The following MYO1E variants were observed in gnomAD, a reference collection of about 807,000 sequenced individuals.
MYO1E encodes unconventional myosin-Ie.
A neutral mutation model predicts 151.1 loss-of-function variants in MYO1E; 68 were observed. The observed-to-expected ratio is 0.45, with a 90% CI of 0.37 to 0.55. MYO1E has a LOEUF of 0.55. Among genes scored for constraint, MYO1E ranks in the 20% least tolerant of loss-of-function variants. MYO1E has a pLI of 0.00. For synonymous variants in MYO1E, 601 were observed against 501.7 expected, an observed-to-expected ratio of 1.20 and a Z score of -2.64; for missense variants, 1,363 against 1,389.3, an observed-to-expected ratio of 0.98 and a Z score of 0.30.
intron 18 of MYO1E, among the ~76,000 whole-genome samples, chr15:59,179,750 T>G (rs1181942109): frequency 6.6e-6 from 1 of 152,206 alleles, no homozygotes; most frequent in Non-Finnish European, 1.5e-5. Flanking sequence ...CTTTTAAAGA[T>G]TATCCAGTCT....
At chr15:59,171,055 A>C (rs1265755190) in intron 22 of MYO1E, 1 of 155,604 alleles carries the variant, frequency 6.4e-6, no homozygotes, top group Admixed American at 6.5e-5. Context: ...GGAGGAAGCT[A>C]TGGGGCTCAA....
chr15:59,151,271 A>G (rs187363464), intron 26 of MYO1E, among the ~76,000 whole-genome samples: 1 of 151,732 alleles, frequency 6.6e-6, no homozygotes. Context: ...ACAAAAAAAA[A>G]CCAAAAAAAT....
chr15:59,208,344 G>T, intron 14 of MYO1E: 1 of 553,150 alleles, frequency 1.8e-6, no homozygotes, highest in Non-Finnish European at 3.2e-6. Context: ...TTGGCATTTG[G>T]TTCCCAAAAA....
In MYO1E at chr15:59,134,495, G is replaced by C. The variant is rs1188880301; in HGVS notation, c.*2885C>G. The C allele has an allele frequency of 1.3e-5, 2 of 152,206 alleles. No homozygotes were observed. Among genetic ancestry groups the C allele is most frequent in the African/African-American group, 2.4e-5 (1 of 41,430 alleles). 9.4% of individuals were successfully genotyped at this position (152,206 alleles called of 1,614,324 possible). On this transcript the variant is annotated 3_prime_UTR_variant, in exon 28 of 28. Coordinates refer to ENST00000288235, the MANE Select transcript of MYO1E (RefSeq NM_004998.4). ...GTTTGATCCCAGGAGTTTCAGATCA[G>C]CCTCTCTCTGTCTCACAGACGGCCA... is the stretch of plus-strand genomic sequence containing the variant.
At chr15:59,188,753 G>T (rs1342966697) in intron 17 of MYO1E, among the ~76,000 whole-genome samples, 4 of 151,346 alleles carry the variant, frequency 2.6e-5, no homozygotes, top group Non-Finnish European at 5.9e-5. Flanking sequence ...TAAATAACAG[G>T]GCATTACATA....
chr15:59,346,606 A>T (rs900830), intron 1 of MYO1E, among the ~76,000 whole-genome samples: 152,127 of 152,310 alleles, frequency 1, 75,972 homozygotes, highest in Middle Eastern at 1. Flanking sequence ...TAACAAGGGT[A>T]ATAAAATGCC....
At chr15:59,196,473 C>T (rs1217618763) in intron 16 of MYO1E, among the ~76,000 whole-genome samples, 1 of 152,114 alleles carries the variant, frequency 6.6e-6, no homozygotes, top group Non-Finnish European at 1.5e-5. Flanking sequence ...CCAAGCAAAG[C>T]AGCCTAAAGA....
At chr15:59,263,213 G>A (rs1369949356) in intron 2 of MYO1E, among the ~76,000 whole-genome samples, 3 of 152,098 alleles carry the variant, frequency 2.0e-5, no homozygotes, top group East Asian at 3.9e-4. Flanking sequence ...TACATATTAA[G>A]ACCTGTGTAC....
intron 14 of MYO1E, chr15:59,208,259 C>T (rs867397850): frequency 1.9e-5 from 12 of 622,810 alleles, no homozygotes; most frequent in African/African-American, 9.3e-5. Context: ...ACGTGCTGGA[C>T]GATACTTATT....
At chr15:59,235,342 T>G (rs780907970) in intron 5 of MYO1E, among the ~76,000 whole-genome samples, 6 of 152,204 alleles carry the variant, frequency 3.9e-5, no homozygotes, top group Non-Finnish European at 8.8e-5. Flanking sequence ...CAGTTTCTTG[T>G]GTATACTTCG....
At chr15:59,172,408 G>C (rs972426009) in intron 21 of MYO1E, among the ~76,000 whole-genome samples, 3 of 152,180 alleles carry the variant, frequency 2.0e-5, no homozygotes, top group African/African-American at 7.2e-5. Context: ...TCACACAGTG[G>C]ACTGCTGTTA....
At chr15:59,338,281 TGAC>T (rs2080742095) in intron 1 of MYO1E, among the ~76,000 whole-genome samples, 2 of 146,868 alleles carry the variant, frequency 1.4e-5, no homozygotes, top group African/African-American at 2.5e-5. Flanking sequence ...AGATCAGTAT[TGAC>T]TTTTTTTTTT....
At chr15:59,221,982 C>T (rs2079959056) in intron 9 of MYO1E, among the ~76,000 whole-genome samples, 1 of 152,182 alleles carries the variant, frequency 6.6e-6, no homozygotes, top group South Asian at 2.1e-4. Context: ...ATAATGTACA[C>T]AAAGTTTAGA....
chr15:59,173,989 A>G (rs2079610240), intron 20 of MYO1E, 74 bp from the exon 21 acceptor site: 3 of 1,551,710 alleles, frequency 1.9e-6, no homozygotes, highest in Non-Finnish European at 2.7e-6. Context: ...CTGTGGAAAT[A>G]TACAAAGAAA....
chr15:59,211,208 A>T (rs989795733), intron 12 of MYO1E, among the ~76,000 whole-genome samples: 10 of 152,082 alleles, frequency 6.6e-5, no homozygotes, highest in African/African-American at 2.4e-4. Context: ...TCAAAAAAAA[A>T]AAAAAAAATT....
chr15:59,215,931 T>C (rs2079911084), intron 10 of MYO1E, among the ~76,000 whole-genome samples: 1 of 152,140 alleles, frequency 6.6e-6, no homozygotes. Flanking sequence ...AGGCCTGAAG[T>C]TCCCTTCTCA....
chr15:59,241,050 T>C (rs1341547867), intron 4 of MYO1E, among the ~76,000 whole-genome samples: 1 of 152,174 alleles, frequency 6.6e-6, no homozygotes, highest in Admixed American at 6.5e-5. Flanking sequence ...ATCAGAAGAT[T>C]ACTAAACGAA....
At chr15:59,281,083 G>A (rs2080350502) in intron 1 of MYO1E, among the ~76,000 whole-genome samples, 3 of 152,094 alleles carry the variant, frequency 2.0e-5, no homozygotes, top group Admixed American at 2.0e-4. Context: ...GCAAAGCAAG[G>A]TCTTTACGTA....
chr15:59,331,349 A>G (rs1452599585), intron 1 of MYO1E, among the ~76,000 whole-genome samples: 1 of 152,094 alleles, frequency 6.6e-6, no homozygotes, highest in African/African-American at 2.4e-5. Flanking sequence ...TCCTTTTCCA[A>G]CCCCCATCTA....
Sources: allele counts gnomAD v4.1 joint callset (sites outside exome capture counted in the v4.1 genomes callset), GRCh38; gene constraint gnomAD v4.1.1; transcripts MANE v1.5; gene names NCBI Gene and HGNC (gene_info 2026-07-23, HGNC 2026-07-21).